The following CDH4 variants were observed in gnomAD, a reference collection of about 807,000 sequenced individuals.
The protein encoded by CDH4 is cadherin 4.
In CDH4, 33 loss-of-function variants were observed where a neutral mutation model predicts 86.0. That is an observed-to-expected ratio of 0.38 (90% CI 0.29 to 0.51). The LOEUF is 0.51. Ranked by LOEUF, CDH4 falls within the 20% of genes least tolerant of loss-of-function variation. The pLI is 0.86. For synonymous variants in CDH4, 555 were observed against 549.4 expected (o/e 1.01, Z -0.14); for missense variants, 1,114 against 1,307.4 (o/e 0.85, Z 2.28).
intron 2 of CDH4, among the ~76,000 whole-genome samples, chr20:61,464,880 C>CT (rs1173480190): frequency 6.6e-6 from 1 of 152,214 alleles, no homozygotes; most frequent in Non-Finnish European, 1.5e-5. Flanking sequence ...AAGAAGCCGG[C>CT]TTCAAAACTG....
intron 2 of CDH4, among the ~76,000 whole-genome samples, chr20:61,548,033 C>T (rs1056039823): frequency 1.3e-5 from 2 of 152,140 alleles, no homozygotes; most frequent in Admixed American, 6.5e-5. Context: ...TGGCTCTTTG[C>T]GGCAGCATCA....
chr20:61,633,015 T>TACCCTTCCATTCCTCCATCC (rs1321346153), intron 2 of CDH4, among the ~76,000 whole-genome samples: 5 of 150,190 alleles, frequency 3.3e-5, no homozygotes, highest in Non-Finnish European at 7.4e-5. Context: ...TTCCTCCATC[T>TACCCTTCCATTCCTCCATCC]ACCCTTCCAT....
Position 61,722,340 on chromosome 20 carries a change from C to T in CDH4, c.170-21223C>T, listed in dbSNP as rs533418609. 5.3e-5 allele frequency among the ~76,000 whole-genome samples: 8 copies of T among 152,284 alleles called. No homozygotes were observed. The South Asian group carries it at 1.7e-3, about 32-fold the overall frequency. On this transcript the variant is annotated intron_variant, in intron 2 of 15. Transcript: ENST00000614565. ...CCAGCGTGCTGGTCATGCCAGCCGC[C>T]GTCATCAGCACTCACTGCTACACAC... is the stretch of plus-strand genomic sequence containing the variant.
At chr20:61,512,776 G>A (rs371777648) in intron 2 of CDH4, among the ~76,000 whole-genome samples, 1 of 152,210 alleles carries the variant, frequency 6.6e-6, no homozygotes, top group Non-Finnish European at 1.5e-5. Flanking sequence ...CCAGGAGCAC[G>A]TCCATTCCTG....
chr20:61,272,884 G>A (rs1372404460), intron 2 of CDH4, among the ~76,000 whole-genome samples: 1 of 146,548 alleles, frequency 6.8e-6, no homozygotes, highest in Non-Finnish European at 1.5e-5. Context: ...CAGTTTGGGA[G>A]AGTACCGTGT....
At chr20:61,325,196 G>A (rs924724734) in intron 2 of CDH4, among the ~76,000 whole-genome samples, 7 of 151,002 alleles carry the variant, frequency 4.6e-5, no homozygotes, top group South Asian at 2.1e-4. Flanking sequence ...AACATCCTTC[G>A]GTGGGTCATA....
rs549602094 is a variant in CDH4, at chr20:61,513,995, C to T, written c.170-229568C>T. 2.1e-3 allele frequency among the ~76,000 whole-genome samples: 313 copies of T among 152,364 alleles called. 1 individual carries two copies. The highest frequency in any genetic ancestry group is 7.2e-3 in the African/African-American group (298 of 41,596). On this transcript the variant is annotated intron_variant, in intron 2 of 15. Coordinates refer to ENST00000614565, the MANE Select transcript of CDH4 (RefSeq NM_001794.5). ...AAGCAGAGAGAATGGGCAACGCCCA[C>T]TGGAGACCTGACCTCCTGGCTGGCT...
intron 2 of CDH4, among the ~76,000 whole-genome samples, chr20:61,472,761 TACA>T (rs1189833076): frequency 1.3e-5 from 2 of 152,220 alleles, no homozygotes; most frequent in Non-Finnish European, 1.5e-5. Context: ...TTCTGCTAAC[TACA>T]ACATTTGATT....
chr20:61,845,464 G>A (rs537014808), intron 5 of CDH4, among the ~76,000 whole-genome samples: 2 of 152,314 alleles, frequency 1.3e-5, no homozygotes, highest in African/African-American at 4.8e-5. Context: ...CCGAGAGGAG[G>A]GGGCCTGGGC....
chr20:61,398,373 G>A (rs1373435985), intron 2 of CDH4, among the ~76,000 whole-genome samples: 1 of 152,230 alleles, frequency 6.6e-6, no homozygotes, highest in Non-Finnish European at 1.5e-5. Flanking sequence ...AGAGCAGGGT[G>A]GATGGACTCT....
intron 2 of CDH4, among the ~76,000 whole-genome samples, chr20:61,567,140 A>G (rs2086304301): frequency 6.6e-6 from 1 of 152,170 alleles, no homozygotes; most frequent in Non-Finnish European, 1.5e-5. Context: ...TGTATCTGTT[A>G]AAAGTAGCAT....
intron 5 of CDH4, among the ~76,000 whole-genome samples, chr20:61,851,077 T>G (rs181332193): frequency 1.0e-3 from 153 of 152,310 alleles, no homozygotes; most frequent in Middle Eastern, 3.4e-3. Context: ...GAGCTGCAGA[T>G]GGGTCGGGGA....
At chr20:61,884,032 C>T (rs537940179) in intron 7 of CDH4, among the ~76,000 whole-genome samples, 1 of 149,024 alleles carries the variant, frequency 6.7e-6, no homozygotes, top group African/African-American at 2.5e-5. Flanking sequence ...AGGGAGGAAT[C>T]GCTGCCTGGA....
chr20:61,527,838 C>T (rs554803028), intron 2 of CDH4, among the ~76,000 whole-genome samples: 10 of 152,138 alleles, frequency 6.6e-5, no homozygotes, highest in South Asian at 6.2e-4. Context: ...CATGACAAGA[C>T]GGTCTGTCAG....
chr20:61,685,649 GACT>G (rs1476576676), intron 2 of CDH4, among the ~76,000 whole-genome samples: 1 of 152,182 alleles, frequency 6.6e-6, no homozygotes, highest in African/African-American at 2.4e-5. Flanking sequence ...CTCGGGCTTT[GACT>G]ACGTCACCCA....
At chr20:61,816,971 A>G (rs573392118) in intron 4 of CDH4, among the ~76,000 whole-genome samples, 1 of 152,242 alleles carries the variant, frequency 6.6e-6, no homozygotes, top group Non-Finnish European at 1.5e-5. Context: ...AAAAGGTGCC[A>G]GAGAACACCA....
intron 2 of CDH4, among the ~76,000 whole-genome samples, chr20:61,275,783 C>G (rs889433410): frequency 2.0e-5 from 3 of 151,962 alleles, no homozygotes; most frequent in African/African-American, 7.3e-5. Flanking sequence ...TCTGAAGGAT[C>G]CTGGATTCTG....
chr20:61,488,734 T>C (rs764419255), intron 2 of CDH4, among the ~76,000 whole-genome samples: 45 of 152,216 alleles, frequency 3.0e-4, no homozygotes, highest in Non-Finnish European at 5.6e-4. Context: ...ATAATGTTTT[T>C]AGAACTAAGC....
rs1317833401 is a variant in CDH4, at chr20:61,518,616, C to A, written c.170-224947C>A. 2.0e-5 allele frequency among the ~76,000 whole-genome samples: 3 copies of A among 152,010 alleles called. No homozygotes were observed. On this transcript the variant is annotated intron_variant, in intron 2 of 15. Coordinates refer to ENST00000614565, the MANE Select transcript of CDH4 (RefSeq NM_001794.5). This position sits in a 1 kb window ranked among gnomAD's most constrained non-coding sequence, Gnocchi z 6.3. ...ATCCATCATCATCCACTCATCCATC[C>A]ATCCTTCATCCACCTAACCATTTAT...
Sources: allele counts gnomAD v4.1 joint callset (sites outside exome capture counted in the v4.1 genomes callset), GRCh38; gene constraint gnomAD v4.1.1; non-coding constraint Gnocchi (gnomAD v3.1); transcripts MANE v1.5; gene names NCBI Gene and HGNC (gene_info 2026-07-23, HGNC 2026-07-21).